MRTFB: variants seen among roughly 807,000 people sequenced by gnomAD.
MRTFB encodes the protein myocardin related transcription factor B.
Under a neutral mutation model 104.2 loss-of-function variants are expected in MRTFB, and 29 were observed. The ratio of observed to expected loss-of-function variants is 0.28; its 90% CI spans 0.21 to 0.38. The LOEUF (loss-of-function observed/expected upper bound fraction) is 0.38, where lower values mean the gene tolerates loss of function less well. Among genes scored for constraint, MRTFB ranks in the 10% least tolerant of loss-of-function variants. The pLI, the probability that MRTFB is intolerant of heterozygous loss-of-function variation, is 1.00. For missense variants in MRTFB, 1,270 were observed against 1,341.6 expected (o/e 0.95, Z 0.83); for synonymous variants, 535 against 519.5 (o/e 1.03, Z -0.41).
chr16:14,124,733 G>GT (rs2037025248), intron 2 of MRTFB, among the ~76,000 whole-genome samples: 1 of 152,070 alleles, frequency 6.6e-6, no homozygotes, highest in African/African-American at 2.4e-5. Context: ...TTTTTTTGTT[G>GT]TGTCTCTGCC....
chr16:14,251,969 A>G lies in MRTFB; in HGVS notation c.2511A>G (p.Gln837=). The change falls in exon 14 of 17, where the codon CAA becomes CAG. Residue 837 remains glutamine, a synonymous_variant. Transcript: ENST00000571589. ...FINKASNSVL[Q]SRNAPLPSLQ... ...ATAAGGCCTCCAACAGTGTTCTTCA[A>G]TCCAGAAATGCTCCGCTTCCATCCC... The G allele has an allele frequency of 1.2e-6, 2 of 1,614,132 alleles. No individual in the cohort carries two copies. The highest frequency in any genetic ancestry group is 1.7e-6 in the Non-Finnish European group (2 of 1,180,016).
At position 14,203,877 on chromosome 16, in the gene MRTFB, T is replaced by A. The variant is rs192707018; in HGVS notation, c.155-6366T>A. Among the ~76,000 whole-genome samples the A allele has an allele frequency of 2.1e-3, 317 of 151,852 alleles. 1 individual carries two copies. Among genetic ancestry groups the A allele is most frequent in the Middle Eastern group, 0.014 (4 of 294 alleles). On this transcript the variant is annotated intron_variant, in intron 3 of 16. Transcript: ENST00000571589. ...ACAAAAGAGGAAAGACATATCTTGG[T>A]TCAAAAAGCATGTGAAATTTTTGAA... is the stretch of plus-strand genomic sequence containing the variant.
At chr16:14,028,442 C>A in the MRTFB span, among the ~76,000 whole-genome samples, 11 of 152,120 alleles carry the variant, frequency 7.2e-5, no homozygotes, top group African/African-American at 2.7e-4. Flanking sequence ...CCTGGAAAAG[C>A]AACAGGCAGG....
intron 5 of MRTFB, 150 bp downstream of exon 5, chr16:14,212,559 C>T (rs2041239113): frequency 2.7e-6 from 2 of 729,982 alleles, no homozygotes; most frequent in African/African-American, 3.5e-5. Flanking sequence ...AGAATATTTA[C>T]TCTGGGATAG....
At chr16:14,225,122 G>T (rs2041941029) in intron 8 of MRTFB, among the ~76,000 whole-genome samples, 1 of 152,170 alleles carries the variant, frequency 6.6e-6, no homozygotes, top group South Asian at 2.1e-4. Context: ...GGAGGTGGAG[G>T]TTGTGGTGAG....
At chr16:14,065,516 T>G in the MRTFB span, among the ~76,000 whole-genome samples, 1 of 152,060 alleles carries the variant, frequency 6.6e-6, no homozygotes, top group Non-Finnish European at 1.5e-5. Flanking sequence ...GTGGTGAGAG[T>G]AGGCATCCTT....
chr16:14,104,048 A>G (rs1001599223), intron 2 of MRTFB, among the ~76,000 whole-genome samples: 3 of 152,212 alleles, frequency 2.0e-5, no homozygotes, highest in Non-Finnish European at 4.4e-5. Context: ...ACTGAAGTAT[A>G]ATCTCCCTAC....
At chr16:14,130,649 G>A (rs898150361) in intron 2 of MRTFB, among the ~76,000 whole-genome samples, 6 of 152,178 alleles carry the variant, frequency 3.9e-5, no homozygotes, top group African/African-American at 1.4e-4. Context: ...GTAGCTACTT[G>A]TAGGTGTACA....
chr16:14,160,565 C>G (rs2038991250), intron 3 of MRTFB, among the ~76,000 whole-genome samples: 1 of 152,062 alleles, frequency 6.6e-6, no homozygotes, highest in South Asian at 2.1e-4. Context: ...TATTCTGTTT[C>G]CCAACCTCCT....
At chr16:14,224,350 C>T (rs1190573640) in intron 8 of MRTFB, among the ~76,000 whole-genome samples, 2 of 152,266 alleles carry the variant, frequency 1.3e-5, no homozygotes, top group South Asian at 2.1e-4. Context: ...GCCTACTACA[C>T]CTACTACAGT....
the MRTFB span, among the ~76,000 whole-genome samples, chr16:14,023,671 G>GTATATA: frequency 2.1e-5 from 3 of 144,276 alleles, no homozygotes; most frequent in African/African-American, 8.2e-5. Context: ...GTGTGTGTGT[G>GTATATA]TGTGTCTATA....
intron 3 of MRTFB, among the ~76,000 whole-genome samples, chr16:14,182,096 A>G (rs1267938808): frequency 6.6e-6 from 1 of 152,228 alleles, no homozygotes; most frequent in Non-Finnish European, 1.5e-5. Flanking sequence ...CATATAGTAG[A>G]GGAACAAGGG....
chr16:14,127,936 T>TA (rs1720636185), intron 2 of MRTFB, among the ~76,000 whole-genome samples: 1 of 84,504 alleles, frequency 1.2e-5, no homozygotes, highest in African/African-American at 1.5e-4. Context: ...TATATTTTTT[T>TA]TTTTTTTTTT....
chr16:14,144,478 A>G (rs952545747), intron 3 of MRTFB: 2 of 152,210 alleles, frequency 1.3e-5, no homozygotes, highest in Admixed American at 6.5e-5. Flanking sequence ...TAAGAGATCT[A>G]TTGCAAAACA....
At chr16:13,996,860 A>T in the MRTFB span, among the ~76,000 whole-genome samples, 1 of 152,144 alleles carries the variant, frequency 6.6e-6, no homozygotes, top group Non-Finnish European at 1.5e-5. Flanking sequence ...TTGAGTTTCT[A>T]TTAGCCGCGT....
At chr16:14,014,652 G>A in the MRTFB span, among the ~76,000 whole-genome samples, 4 of 151,900 alleles carry the variant, frequency 2.6e-5, no homozygotes, top group South Asian at 2.1e-4. Flanking sequence ...TCAGGAGTTC[G>A]AGACCAGCCT....
chr16:14,178,622 C>G (rs776844084), intron 3 of MRTFB, among the ~76,000 whole-genome samples: 1 of 152,138 alleles, frequency 6.6e-6, no homozygotes, highest in Non-Finnish European at 1.5e-5. Flanking sequence ...AGGATCTCCT[C>G]TCTCCATTTG....
At chr16:14,026,050 A>ATCTGATTT in the MRTFB span, among the ~76,000 whole-genome samples, 4 of 152,234 alleles carry the variant, frequency 2.6e-5, no homozygotes, top group Admixed American at 2.6e-4. Context: ...GTTCTCCCCA[A>ATCTGATTT]ATAGATTTAT....
intron 2 of MRTFB, among the ~76,000 whole-genome samples, chr16:14,085,274 G>A (rs1470040457): frequency 1.3e-5 from 2 of 151,906 alleles, no homozygotes; most frequent in Non-Finnish European, 2.9e-5. Context: ...TGGCCAACAT[G>A]GTGGAACCCT....
Sources: allele counts gnomAD v4.1 joint callset (sites outside exome capture counted in the v4.1 genomes callset), GRCh38; gene constraint gnomAD v4.1.1; transcripts MANE v1.5; gene names NCBI Gene and HGNC (gene_info 2026-07-23, HGNC 2026-07-21).